ELAVL2: variants seen among roughly 807,000 people sequenced by gnomAD.
ELAVL2 encodes the protein ELAV like RNA binding protein 2, also known as ELAV-like protein 2.
In ELAVL2, 4 loss-of-function variants were observed where a neutral mutation model predicts 34.6. The observed-to-expected ratio is 0.12, with a 90% CI of 0.06 to 0.26. The LOEUF (loss-of-function observed/expected upper bound fraction) is 0.26, where lower values mean the gene tolerates loss of function less well. Ranked by LOEUF, ELAVL2 falls within the 10% of genes least tolerant of loss-of-function variation. ELAVL2 has a pLI of 1.00. For missense variants in ELAVL2, 432 were observed against 442.8 expected (o/e 0.98, Z 0.22); for synonymous variants, 193 against 154.8 (o/e 1.25, Z -1.83).
At chr9:23,850,285 C>T in the ELAVL2 span, among the ~76,000 whole-genome samples, 1 of 150,678 alleles carries the variant, frequency 6.6e-6, no homozygotes, top group Non-Finnish European at 1.5e-5. Context: ...CTGCACTTGC[C>T]TCCAGCCAGC....
At chr9:23,823,116 AT>A (rs2065041828) in intron 1 of ELAVL2, among the ~76,000 whole-genome samples, 1 of 152,226 alleles carries the variant, frequency 6.6e-6, no homozygotes, top group Non-Finnish European at 1.5e-5. Context: ...CTGATTCTAT[AT>A]CAGCATTTCC....
chr9:23,780,241 C>T (rs2058875695), intron 1 of ELAVL2, among the ~76,000 whole-genome samples: 1 of 151,902 alleles, frequency 6.6e-6, no homozygotes, highest in African/African-American at 2.4e-5. Flanking sequence ...CACTTGTTTC[C>T]TAATCTCATG....
intron 3 of ELAVL2, among the ~76,000 whole-genome samples, chr9:23,709,596 T>G (rs559216186): frequency 1.3e-5 from 2 of 152,318 alleles, no homozygotes; most frequent in South Asian, 4.1e-4. Flanking sequence ...AGAGTTCGCT[T>G]TAAATGACAA....
At position 23,796,644 on chromosome 9, in the gene ELAVL2, A is replaced by T. The variant is rs565634215; in HGVS notation, c.-16+29162T>A. Reference sequence around the variant, plus strand: ...TCTATAAGTAAGATATCTAGAGTTTACACCATCCTTACGGAGAGCCTTGAC... The same window carrying T: ...TCTATAAGTAAGATATCTAGAGTTTTCACCATCCTTACGGAGAGCCTTGAC... On this transcript the variant is annotated intron_variant, in intron 1 of 6. Coordinates refer to ENST00000397312, the MANE Select transcript of ELAVL2 (RefSeq NM_004432.5). 1.3e-3 allele frequency among the ~76,000 whole-genome samples: 200 copies of T among 152,364 alleles called. 1 individual carries two copies. Among genetic ancestry groups the T allele is most frequent in the African/African-American group, 4.6e-3 (192 of 41,592 alleles).
intron 3 of ELAVL2, among the ~76,000 whole-genome samples, chr9:23,710,221 T>C (rs1341855297): frequency 1.3e-5 from 2 of 152,216 alleles, no homozygotes; most frequent in South Asian, 2.1e-4. Flanking sequence ...AAACTAATGA[T>C]ACATTAAACA....
chr9:23,763,911 CTCAGGG>C (rs2055628364), intron 1 of ELAVL2, among the ~76,000 whole-genome samples: 5 of 152,062 alleles, frequency 3.3e-5, no homozygotes, highest in African/African-American at 1.2e-4. Context: ...GCTAAGTTTT[CTCAGGG>C]AATACTTAAA....
chr9:23,703,771 G>A (rs1442321359), intron 4 of ELAVL2, among the ~76,000 whole-genome samples: 1 of 151,994 alleles, frequency 6.6e-6, no homozygotes, highest in East Asian at 1.9e-4. Context: ...AACAAACAGT[G>A]AGGAGAAAAG....
chr9:23,694,408 A>T (rs757486459), intron 5 of ELAVL2, among the ~76,000 whole-genome samples: 1 of 152,200 alleles, frequency 6.6e-6, no homozygotes, highest in Non-Finnish European at 1.5e-5. Context: ...CTAATGTCCC[A>T]AATTTCCACA....
intron 3 of ELAVL2, among the ~76,000 whole-genome samples, chr9:23,721,935 G>C (rs563486185): frequency 1.2e-3 from 180 of 152,288 alleles, no homozygotes; most frequent in Middle Eastern, 3.4e-3. Flanking sequence ...CTAGTAGTTA[G>C]GTTTTTGAGG....
the ELAVL2 span, among the ~76,000 whole-genome samples, chr9:23,843,667 A>AC: frequency 6.6e-6 from 1 of 151,522 alleles, no homozygotes; most frequent in African/African-American, 2.4e-5. Context: ...TCTTTCTTAC[A>AC]CCCCCCTTTC....
chr9:23,699,657 T>C (rs2133053357), intron 5 of ELAVL2, among the ~76,000 whole-genome samples: 1 of 152,112 alleles, frequency 6.6e-6, no homozygotes, highest in East Asian at 1.9e-4. Flanking sequence ...CATATATTAT[T>C]CACTTAAGAT....
chr9:23,748,499 C>T (rs1588056945), intron 2 of ELAVL2, among the ~76,000 whole-genome samples: 1 of 152,136 alleles, frequency 6.6e-6, no homozygotes, highest in Non-Finnish European at 1.5e-5. Context: ...ACCCACTGTA[C>T]ATACACCAAC....
At chr9:23,758,455 T>C (rs1337409574) in intron 2 of ELAVL2, among the ~76,000 whole-genome samples, 2 of 152,156 alleles carry the variant, frequency 1.3e-5, no homozygotes, top group African/African-American at 4.8e-5. Flanking sequence ...AAAAGCCATT[T>C]TAACCCATAT....
intron 2 of ELAVL2, among the ~76,000 whole-genome samples, chr9:23,732,630 C>T (rs886809897): frequency 6.6e-6 from 1 of 152,094 alleles, no homozygotes; most frequent in African/African-American, 2.4e-5. Context: ...TGTTGCAGTC[C>T]TATTGTCATT....
intron 2 of ELAVL2, among the ~76,000 whole-genome samples, chr9:23,753,840 C>T (rs970417223): frequency 5.3e-5 from 8 of 152,072 alleles, no homozygotes; most frequent in Admixed American, 4.6e-4. Flanking sequence ...TATAAAGGGG[C>T]AAATGTTACA....
chr9:23,777,392 C>T (rs1012115727), intron 1 of ELAVL2, among the ~76,000 whole-genome samples: 2 of 151,948 alleles, frequency 1.3e-5, no homozygotes, highest in African/African-American at 2.4e-5. Context: ...TTAAAGAGTT[C>T]CTTGACGATT....
chr9:23,732,690 C>T (rs1272008653), intron 2 of ELAVL2, among the ~76,000 whole-genome samples: 1 of 152,146 alleles, frequency 6.6e-6, no homozygotes, highest in Non-Finnish European at 1.5e-5. Context: ...AAGGAACCAG[C>T]TTATAGTGGA....
rs540658459 is a variant in ELAVL2, at chr9:23,796,736, A to G, written c.-16+29070T>C. 5.3e-5 allele frequency among the ~76,000 whole-genome samples: 8 copies of G among 152,358 alleles called. 1 individual carries two copies. The South Asian group carries it at 1.7e-3, about 32-fold the overall frequency. ...CAAGAAGATATTTAATTATAGCTCT[A>G]TAATTTTTTTTCAAAACAGAGTAAT... On this transcript the variant is annotated intron_variant, in intron 1 of 6. Coordinates refer to ENST00000397312, the MANE Select transcript of ELAVL2 (RefSeq NM_004432.5).
Position 23,704,846 on chromosome 9 carries a change from G to A in ELAVL2, c.487+72C>T, listed in dbSNP as rs199665367. ...TGTTCTAGAAGCAAGACTGCTACAT[G>A]GAAAGACAGAATATTTCACAATCTG... On this transcript the variant is annotated intron_variant, in intron 4 of 6. Transcript: ENST00000397312. 2.4e-4 allele frequency: 386 copies of A among 1,577,448 alleles called. 1 individual carries two copies. The highest frequency in any genetic ancestry group is 8.0e-5 in the Non-Finnish European group (93 of 1,156,494).
Sources: allele counts gnomAD v4.1 joint callset (sites outside exome capture counted in the v4.1 genomes callset), GRCh38; gene constraint gnomAD v4.1.1; transcripts MANE v1.5; gene names NCBI Gene and HGNC (gene_info 2026-07-23, HGNC 2026-07-21).